Variants in PARPBP observed in about 807,000 individuals in gnomAD.
The protein encoded by PARPBP is PARP1 binding protein.
Under a neutral mutation model 50.0 loss-of-function variants are expected in PARPBP, and 52 were observed. The ratio of observed to expected loss-of-function variants is 1.04; its 90% confidence interval spans 0.83 to 1.31. The LOEUF (loss-of-function observed/expected upper bound fraction) is 1.31, where lower values mean the gene tolerates loss of function less well. Among genes scored for constraint, PARPBP ranks in the 50% most tolerant of loss-of-function variants. The pLI, the probability that PARPBP is intolerant of heterozygous loss-of-function variation, is 0.00. For synonymous variants in PARPBP, 244 were observed against 232.1 expected (o/e 1.05, Z -0.47); for missense variants, 697 against 672.0 (o/e 1.04, Z -0.41).
At chr12:102,159,697 A>G (rs1266821340) in intron 4 of PARPBP, among the ~76,000 whole-genome samples, 3 of 150,738 alleles carry the variant, frequency 2.0e-5, no homozygotes, top group South Asian at 2.1e-4. Context: ...CATCAGTTAA[A>G]AAAAAAAATC....
chr12:102,166,966 A>T (rs1888199075), intron 6 of PARPBP, among the ~76,000 whole-genome samples: 1 of 152,172 alleles, frequency 6.6e-6, no homozygotes, highest in Non-Finnish European at 1.5e-5. Context: ...TTTAATTTTT[A>T]AAAAATTTTT....
chr12:102,147,223 C>T (rs1231980760), intron 2 of PARPBP, among the ~76,000 whole-genome samples: 3 of 152,184 alleles, frequency 2.0e-5, no homozygotes, highest in Non-Finnish European at 4.4e-5. Context: ...TGGGTATATA[C>T]CCAAGGGACT....
At position 102,182,233 on chromosome 12, in the gene PARPBP, A is replaced by G. The variant is rs142433795; in HGVS notation, c.1185-316A>G. On this transcript the variant is annotated intron_variant, in intron 8 of 10. Transcript: ENST00000327680. Reference sequence around the variant, plus strand: ...ACAGTATTCAGATAGCCACATGATCATGGCGGTAAACAACTGATACTCTGC... The same window carrying G: ...ACAGTATTCAGATAGCCACATGATCGTGGCGGTAAACAACTGATACTCTGC... 1.1e-3 allele frequency among the ~76,000 whole-genome samples: 163 copies of G among 152,304 alleles called. 1 individual carries two copies. The highest frequency in any genetic ancestry group is 3.7e-3 in the African/African-American group (153 of 41,566).
At chr12:102,167,837 G>C (rs1181936644) in intron 6 of PARPBP, among the ~76,000 whole-genome samples, 10 of 152,106 alleles carry the variant, frequency 6.6e-5, no homozygotes, top group Non-Finnish European at 1.0e-4. Context: ...TGAGGTGGGA[G>C]AGAAGCACTA....
intron 4 of PARPBP, among the ~76,000 whole-genome samples, chr12:102,158,026 A>G (rs544534987): frequency 6.7e-6 from 1 of 148,882 alleles, no homozygotes; most frequent in East Asian, 2.0e-4. Flanking sequence ...AGGCTGAGGC[A>G]GGAGAATGGC....
chr12:102,173,593 AT>A (rs897795415), intron 6 of PARPBP, among the ~76,000 whole-genome samples: 12 of 151,872 alleles, frequency 7.9e-5, no homozygotes, highest in South Asian at 2.1e-4. Context: ...AAATAGAAGG[AT>A]TTTTTTTTAA....
At chr12:102,124,066 C>G in intron 2 of PARPBP, 25 bp downstream of exon 2, 1 of 1,515,178 alleles carries the variant, frequency 6.6e-7, no homozygotes, top group Non-Finnish European at 8.8e-7. Flanking sequence ...TTTGGGTTAA[C>G]TTGTTTTTTT....
intron 7 of PARPBP, among the ~76,000 whole-genome samples, chr12:102,177,885 G>A (rs1889433589): frequency 6.6e-6 from 1 of 152,168 alleles, no homozygotes; most frequent in East Asian, 1.9e-4. Context: ...GTCCCTGAAA[G>A]CACCATGCTC....
intron 9 of PARPBP, among the ~76,000 whole-genome samples, chr12:102,191,747 T>C (rs575114978): frequency 2.0e-5 from 3 of 152,294 alleles, no homozygotes; most frequent in African/African-American, 7.2e-5. Context: ...ATTGCAATTA[T>C]GCTGTGGATA....
chr12:102,134,267 A>T (rs1883308846), intron 2 of PARPBP, among the ~76,000 whole-genome samples: 1 of 151,308 alleles, frequency 6.6e-6, no homozygotes, highest in Admixed American at 6.6e-5. Context: ...ATGAAAAAGG[A>T]TACATTATAA....
rs184030108 is a variant in PARPBP, at chr12:102,138,918, G to A, written c.154-9312G>A. 3.3e-5 allele frequency among the ~76,000 whole-genome samples: 5 copies of A among 152,320 alleles called. No individual in the cohort carries two copies. The East Asian group carries it at 9.6e-4, about 29-fold the overall frequency. ...TTGTAGTATAGTTTGAAGTCAGGAA[G>A]CGTGATGCCTCCAGCTTTGTTCTTC... On this transcript the variant is annotated intron_variant, in intron 2 of 10. Coordinates refer to ENST00000327680, the MANE Select transcript of PARPBP (RefSeq NM_017915.5).
At chr12:102,168,060 C>T (rs1888328089) in intron 6 of PARPBP, among the ~76,000 whole-genome samples, 1 of 152,150 alleles carries the variant, frequency 6.6e-6, no homozygotes, top group Admixed American at 6.6e-5. Flanking sequence ...TATGACTCAA[C>T]CATCTGTTTT....
At chr12:102,148,967 G>T (rs977918154) in intron 3 of PARPBP, 1 of 152,082 alleles carries the variant, frequency 6.6e-6, no homozygotes, top group East Asian at 1.9e-4. Flanking sequence ...TTTTTTAATG[G>T]AGTATAAATG....
chr12:102,164,574 A>G lies in PARPBP; in HGVS notation c.632A>G (p.His211Arg). 6.2e-7 allele frequency: 1 copy of G among 1,613,622 alleles called. No homozygotes were observed. The highest frequency in any genetic ancestry group is 8.5e-7 in the Non-Finnish European group (1 of 1,179,626). Residue 211 changes from histidine to arginine, a missense_variant, in exon 5 of 11, where the codon CAT becomes CGT. Physicochemically the swap from His to Arg is conservative, Grantham distance 29 (BLOSUM62 0). Coordinates refer to ENST00000327680, the MANE Select transcript of PARPBP (RefSeq NM_017915.5). ...AGAGAAGCCTTCACTGATTTGAAAC[A>G]TGCTGCTCGAGAGAAACAAATGTCT... ...LGREAFTDLK[H>R]AAREKQMSIF...
intron 9 of PARPBP, 53 bp from the exon 10 acceptor site, chr12:102,195,259 G>C: frequency 8.4e-7 from 1 of 1,188,546 alleles, no homozygotes; most frequent in Non-Finnish European, 1.2e-6. Context: ...TCTAGATGAA[G>C]AAATAAAATA....
chr12:102,140,394 C>T (rs950763562), intron 2 of PARPBP, among the ~76,000 whole-genome samples: 1 of 151,994 alleles, frequency 6.6e-6, no homozygotes, highest in Non-Finnish European at 1.5e-5. Flanking sequence ...ATTAGTCTTA[C>T]TAGTGGTCCA....
intron 6 of PARPBP, among the ~76,000 whole-genome samples, chr12:102,173,590 A>G (rs1888964347): frequency 6.6e-6 from 1 of 152,176 alleles, no homozygotes; most frequent in Non-Finnish European, 1.5e-5. Flanking sequence ...ACTAAATAGA[A>G]GGATTTTTTT....
chr12:102,145,892 G>A (rs1885276078), intron 2 of PARPBP, among the ~76,000 whole-genome samples: 1 of 152,082 alleles, frequency 6.6e-6, no homozygotes, highest in Admixed American at 6.6e-5. Flanking sequence ...TAGCCAAAAG[G>A]CCGAGAAGCA....
chr12:102,120,475 A>G (rs75580367), intron 1 of PARPBP, 189 bp downstream of exon 1: 11,622 of 456,522 alleles, frequency 0.025, 209 homozygotes, highest in African/African-American at 0.063. Flanking sequence ...AGTTCACAGT[A>G]TCTAGCGATG....
Sources: gnomAD v4.1 joint callset for allele counts (sites outside exome capture counted in the v4.1 genomes callset) on GRCh38, gnomAD v4.1.1 for gene constraint, MANE v1.5 for transcripts, NCBI Gene and HGNC (gene_info 2026-07-23, HGNC 2026-07-21) for gene names.